S100PBP: variants seen among roughly 807,000 people sequenced by gnomAD.
S100PBP encodes the protein S100P binding protein, also known as S100P-binding protein.
In S100PBP, 15 loss-of-function variants were observed where a neutral mutation model predicts 39.9. The observed-to-expected ratio is 0.38, with a 90% CI of 0.25 to 0.58. The LOEUF (loss-of-function observed/expected upper bound fraction) is 0.58, where lower values mean the gene tolerates loss of function less well. Among genes scored for constraint, S100PBP ranks in the 20% least tolerant of loss-of-function variants. The probability of loss-of-function intolerance (pLI) is 0.70; values close to 1 mark genes in which losing one functional copy is unlikely to be tolerated. For synonymous variants in S100PBP, 178 were observed against 180.3 expected, an observed-to-expected ratio of 0.99 and a Z score of 0.10; for missense variants, 504 against 487.3, an observed-to-expected ratio of 1.03 and a Z score of -0.32.
intron 2 of S100PBP, 27 bp from the exon 3 acceptor site, chr1:32,826,071 C>T: frequency 1.3e-6 from 2 of 1,512,950 alleles, no homozygotes; most frequent in Non-Finnish European, 1.8e-6. Flanking sequence ...TTCTCTTCCT[C>T]AGTGAAATTG....
chr1:32,838,242 G>A (rs1440400083), intron 5 of S100PBP, among the ~76,000 whole-genome samples: 20 of 150,800 alleles, frequency 1.3e-4, no homozygotes, highest in African/African-American at 4.4e-4. Context: ...GCTGAGGCAG[G>A]AGAATGGCAT....
rs111939675 is a variant in S100PBP, at chr1:32,846,784, C to CT, written c.1025-6281dup. 968 of 142,022 alleles carry CT rather than the reference C, an allele frequency of 6.8e-3. 13 individuals carry two copies. The highest frequency in any genetic ancestry group is 0.019 in the African/African-American group (731 of 39,068). 8.8% of individuals were successfully genotyped at this position (142,022 alleles called of 1,614,324 possible). The stretch of plus-strand genomic sequence containing the variant: ...TTACTTTAAACAGTAAATTATCTTT[C>CT]TTTTTTTTTTTTTTGAGACGGAGTT... On this transcript the variant is annotated intron_variant, in intron 5 of 6. Coordinates refer to ENST00000373475, the MANE Select transcript of S100PBP (RefSeq NM_022753.4).
chr1:32,821,180 C>G (rs975308816), intron 1 of S100PBP, among the ~76,000 whole-genome samples: 3 of 152,008 alleles, frequency 2.0e-5, no homozygotes, highest in Non-Finnish European at 4.4e-5. Flanking sequence ...TGGTTCACAC[C>G]TGTAATCCCA....
At chr1:32,836,494 T>G in intron 5 of S100PBP, 4 of 943,048 alleles carry the variant, frequency 4.2e-6, no homozygotes, top group Non-Finnish European at 5.1e-6. Context: ...TAAATCAGTA[T>G]TCATTGTTTT....
chr1:32,822,721 ATG>A (rs1639139547), intron 1 of S100PBP, among the ~76,000 whole-genome samples: 1 of 152,022 alleles, frequency 6.6e-6, no homozygotes, highest in South Asian at 2.1e-4. Context: ...TACCATATAT[ATG>A]GTATTGTTTT....
At chr1:32,841,257 A>G (rs1158673980) in intron 5 of S100PBP, among the ~76,000 whole-genome samples, 1 of 152,086 alleles carries the variant, frequency 6.6e-6, no homozygotes, top group Non-Finnish European at 1.5e-5. Flanking sequence ...TCTTTGCCAG[A>G]TAAGTAATTT....
Position 32,856,048 on chromosome 1 carries a change from T to C in S100PBP, c.*10T>C, listed in dbSNP as rs200515743. 4.4e-5 allele frequency: 69 copies of C among 1,581,048 alleles called. No individual in the cohort carries two copies. In the East Asian group the frequency reaches 1.4e-3, roughly 32 times the overall value. ...CTTCTCGTACAGTTAATTTGTGTCA[T>C]CCCATCAGCAATGAAGGTCCCTATC... On this transcript the variant is annotated 3_prime_UTR_variant, in exon 7 of 7. Transcript: ENST00000373475.
intron 5 of S100PBP, among the ~76,000 whole-genome samples, chr1:32,841,169 A>T (rs35830976): frequency 0.061 from 9,215 of 151,864 alleles, 742 homozygotes; most frequent in African/African-American, 0.19. Flanking sequence ...TCAAAAAAAA[A>T]AAAAATAAAA....
intron 3 of S100PBP, among the ~76,000 whole-genome samples, chr1:32,827,187 G>A (rs1248225583): frequency 6.6e-6 from 1 of 151,990 alleles, no homozygotes; most frequent in East Asian, 1.9e-4. Context: ...TATCTAAATT[G>A]GAGTAAATAA....
At chr1:32,829,497 C>T (rs560454460) in intron 4 of S100PBP, among the ~76,000 whole-genome samples, 3 of 152,136 alleles carry the variant, frequency 2.0e-5, no homozygotes, top group Non-Finnish European at 4.4e-5. Flanking sequence ...GGGTCTCACT[C>T]TGTGGCCCAA....
In S100PBP at chr1:32,826,756, T is replaced by C; in HGVS notation, c.657T>C (p.Phe219=). 6.2e-7 allele frequency: 1 copy of C among 1,614,114 alleles called. No individual in the cohort carries two copies. Among genetic ancestry groups the C allele is most frequent in the Non-Finnish European group, 8.5e-7 (1 of 1,180,008 alleles). The change falls in exon 3 of 7, where the codon TTT becomes TTC. Residue 219 remains phenylalanine, a synonymous_variant. Coordinates refer to ENST00000373475, the MANE Select transcript of S100PBP (RefSeq NM_022753.4). ...AGCTCTCTTCTTCAAACAATAACTT[T>C]CAACAGACTGTCTCTGATAAAAATA... ...GPQLSSSNNN[F]QQTVSDKNMP...
At chr1:32,817,941 G>C (rs1360034731) in intron 1 of S100PBP, 1 of 152,964 alleles carries the variant, frequency 6.5e-6, no homozygotes, top group Non-Finnish European at 1.5e-5. Flanking sequence ...CTCCCTGGTC[G>C]TCTTGAGAGT....
chr1:32,849,614 C>T (rs1435559139), intron 5 of S100PBP, among the ~76,000 whole-genome samples: 3 of 152,170 alleles, frequency 2.0e-5, no homozygotes, highest in Non-Finnish European at 4.4e-5. Flanking sequence ...GCTAGTCTAA[C>T]AATAAGTTAG....
intron 6 of S100PBP, among the ~76,000 whole-genome samples, chr1:32,854,608 C>G (rs1426908614): frequency 6.6e-6 from 1 of 152,168 alleles, no homozygotes; most frequent in Non-Finnish European, 1.5e-5. Context: ...TGCTTCTGCC[C>G]TTGCCAGTGC....
At chr1:32,820,864 T>C (rs2148629779) in intron 1 of S100PBP, among the ~76,000 whole-genome samples, 1 of 152,226 alleles carries the variant, frequency 6.6e-6, no homozygotes, top group Middle Eastern at 3.4e-3. Context: ...AAAAATTAGC[T>C]GTGTATGGTG....
intron 1 of S100PBP, among the ~76,000 whole-genome samples, chr1:32,822,218 G>T (rs1488798695): frequency 6.6e-6 from 1 of 152,200 alleles, no homozygotes; most frequent in African/African-American, 2.4e-5. Flanking sequence ...TTAGCTATGA[G>T]TTGATAGTCA....
In S100PBP at chr1:32,826,535, G is replaced by T. The variant is rs1484129447; in HGVS notation, c.436G>T (p.Val146Leu). The T allele has an allele frequency of 1.9e-6, 3 of 1,613,952 alleles. No individual in the cohort carries two copies. The East Asian group carries it at 6.7e-5, about 36-fold the overall frequency. Residue 146 changes from valine to leucine, a missense_variant, in exon 3 of 7, where the codon GTA becomes TTA. By Grantham distance (32) the Val-to-Leu change is conservative. Coordinates refer to ENST00000373475, the MANE Select transcript of S100PBP (RefSeq NM_022753.4). ...TGTACTAGAAAAGAATCTTATAAAA[G>T]TAACTGTTGCACCATTTAATCCAAC... ...RSVLEKNLIK[V>L]TVAPFNPTVC...
At chr1:32,838,526 A>C (rs189479879) in intron 5 of S100PBP, among the ~76,000 whole-genome samples, 3 of 151,854 alleles carry the variant, frequency 2.0e-5, no homozygotes, top group Non-Finnish European at 2.9e-5. Context: ...TATACACATA[A>C]CCATCTTTTT....
At chr1:32,840,887 G>A (rs1640058674) in intron 5 of S100PBP, among the ~76,000 whole-genome samples, 1 of 151,714 alleles carries the variant, frequency 6.6e-6, no homozygotes, top group South Asian at 2.1e-4. Context: ...TCGGCCAGGC[G>A]CGGTGGCTCA....
Sources: gnomAD v4.1 joint callset for allele counts (sites outside exome capture counted in the v4.1 genomes callset) on GRCh38, gnomAD v4.1.1 for gene constraint, MANE v1.5 for transcripts, NCBI Gene and HGNC (gene_info 2026-07-23, HGNC 2026-07-21) for gene names.